The following THOC1 variants were observed in gnomAD, a reference collection of about 807,000 sequenced individuals.
THOC1 encodes THO complex 1.
Under a neutral mutation model 97.3 loss-of-function variants are expected in THOC1, and 29 were observed. That is an observed-to-expected ratio of 0.30 (90% CI 0.22 to 0.41). The LOEUF (loss-of-function observed/expected upper bound fraction) is 0.41, where lower values mean the gene tolerates loss of function less well. Ranked by LOEUF, THOC1 falls within the 10% of genes least tolerant of loss-of-function variation. The probability of loss-of-function intolerance (pLI) is 1.00; values close to 1 mark genes in which losing one functional copy is unlikely to be tolerated. For synonymous variants in THOC1, 255 were observed against 257.0 expected (o/e 0.99, Z 0.07); for missense variants, 529 against 761.9 (o/e 0.69, Z 3.60).
intron 11 of THOC1, among the ~76,000 whole-genome samples, chr18:233,479 G>A (rs182056810): frequency 2.7e-4 from 41 of 152,230 alleles, no homozygotes; most frequent in Admixed American, 8.5e-4. Flanking sequence ...CCAGTTACTC[G>A]GGAGGCTGAG....
chr18:252,147 T>C (rs1912298490), intron 9 of THOC1, among the ~76,000 whole-genome samples: 1 of 152,190 alleles, frequency 6.6e-6, no homozygotes, highest in African/African-American at 2.4e-5. Context: ...GAAACAGTTT[T>C]AAGAGCAAGG....
intron 9 of THOC1, among the ~76,000 whole-genome samples, chr18:249,733 G>A (rs1262006246): frequency 1.3e-5 from 2 of 151,064 alleles, no homozygotes; most frequent in East Asian, 1.9e-4. Flanking sequence ...AAAAGAAATA[G>A]CACTATATAA....
At chr18:222,771 T>C (rs1289138729) in intron 17 of THOC1, among the ~76,000 whole-genome samples, 1 of 152,230 alleles carries the variant, frequency 6.6e-6, no homozygotes, top group African/African-American at 2.4e-5. Flanking sequence ...TTTGCTCCTT[T>C]GTAGGTTGTC....
Position 254,496 on chromosome 18 carries a change from T to C in THOC1, c.521-141A>G. 1 of 612,746 alleles carries C rather than the reference T, an allele frequency of 1.6e-6. No individual in the cohort carries two copies. The allele number at this position is 612,746 out of a possible 1,614,324, so 38.0% of individuals were successfully genotyped here. ...TAACACATTTGATTTTCAAATCCTT[T>C]CAAAAATTCATTTCTTAAAAGTACC... is the stretch of plus-strand genomic sequence containing the variant. On this transcript the variant is annotated intron_variant, in intron 7 of 20. Transcript: ENST00000261600. This position sits in a 1 kb window ranked among gnomAD's most constrained non-coding sequence, Gnocchi z 4.1.
chr18:215,038 A>G (rs1161976318), intron 20 of THOC1, 117 bp from the exon 21 acceptor site: 1 of 914,664 alleles, frequency 1.1e-6, no homozygotes, highest in Non-Finnish European at 1.7e-6. Flanking sequence ...TTAAAAGTAA[A>G]CAATTATTTT....
chr18:265,545 AAATGGCAAAT>A lies in THOC1; in HGVS notation c.55-25_55-16del. 3.9e-6 allele frequency: 6 copies of A among 1,546,002 alleles called. No individual in the cohort carries two copies. The highest frequency in any genetic ancestry group is 5.2e-6 in the Non-Finnish European group (6 of 1,145,508). Reference sequence around the variant, plus strand: ...CTGGTAGACTTCTAAAAAAAAATTAAAATGGCAAATAATTGTAAAGATTTTGCTTATTATT... The same window carrying A: ...CTGGTAGACTTCTAAAAAAAAATTAAAATTGTAAAGATTTTGCTTATTATT... On this transcript the variant is annotated splice_polypyrimidine_tract_variant and intron_variant, in intron 1 of 20. Transcript: ENST00000261600.
At chr18:226,722 T>TAA in intron 12 of THOC1, 79 bp downstream of exon 12, 1 of 1,038,456 alleles carries the variant, frequency 9.6e-7, no homozygotes, top group African/African-American at 1.6e-5. Context: ...AATGGACACA[T>TAA]ACATAAGAAA....
At chr18:267,356 A>C (rs1487762427) in intron 1 of THOC1, among the ~76,000 whole-genome samples, 1 of 152,218 alleles carries the variant, frequency 6.6e-6, no homozygotes, top group Non-Finnish European at 1.5e-5. Flanking sequence ...TAATAGTTAA[A>C]TGAGAAAGTG....
At chr18:252,949 A>G (rs1567854852) in intron 8 of THOC1, among the ~76,000 whole-genome samples, 1 of 152,252 alleles carries the variant, frequency 6.6e-6, no homozygotes, top group Non-Finnish European at 1.5e-5. Flanking sequence ...TAAAATGAGC[A>G]AACAGCATGA....
intron 11 of THOC1, among the ~76,000 whole-genome samples, chr18:241,345 C>A (rs1401438557): frequency 2.6e-5 from 4 of 152,090 alleles, no homozygotes; most frequent in Non-Finnish European, 4.4e-5. Context: ...ACATTTAAGG[C>A]AGAATGACTA....
chr18:234,845 G>A (rs1336577713), intron 11 of THOC1, among the ~76,000 whole-genome samples: 1 of 152,054 alleles, frequency 6.6e-6, no homozygotes, highest in Non-Finnish European at 1.5e-5. Context: ...TATGTGAGAT[G>A]AATATACATA....
At chr18:225,571 A>C in intron 12 of THOC1, 168 bp from the exon 13 acceptor site, 1 of 605,318 alleles carries the variant, frequency 1.7e-6, no homozygotes, top group East Asian at 2.8e-5. Context: ...AAATTCTTGC[A>C]CTTCTTCCTC....
intron 19 of THOC1, among the ~76,000 whole-genome samples, chr18:216,055 G>A (rs1910874861): frequency 3.9e-5 from 6 of 152,126 alleles, no homozygotes; most frequent in Admixed American, 3.9e-4. Context: ...CCAGGTTCAA[G>A]CAATTCCCTT....
rs1277329442 is a variant in THOC1, at chr18:225,398, T to C, written c.1025A>G (p.Asn342Ser). ...TGATTGCTCATCAGTTAAAACATAG[T>C]TTGAACTAGGGAACAAAGCAATGAA... ...LKGQVKFKSS[N>S]YVLTDEQSLW... is the part of the protein sequence containing the mutation. Residue 342 changes from asparagine (N) to serine (S), a missense_variant, in exon 13 of 21, where the codon AAC becomes AGC. Physicochemically the swap from Asn to Ser is conservative, Grantham distance 46. Coordinates refer to ENST00000261600, the MANE Select transcript of THOC1 (RefSeq NM_005131.3). The C allele has an allele frequency of 1.2e-6, 2 of 1,612,808 alleles. No homozygotes were observed. The highest frequency in any genetic ancestry group is 3.3e-4 in the Middle Eastern group (2 of 6,020).
chr18:249,404 C>T (rs537696249), intron 9 of THOC1, among the ~76,000 whole-genome samples: 22 of 152,272 alleles, frequency 1.4e-4, no homozygotes, highest in Non-Finnish European at 2.9e-4. Context: ...CGGTGGCTCA[C>T]ACCTGTAATC....
chr18:246,221 T>C (rs932277069), intron 11 of THOC1, 103 bp downstream of exon 11: 1 of 953,610 alleles, frequency 1.0e-6, no homozygotes, highest in Middle Eastern at 3.4e-4. Flanking sequence ...CAAAGTAAAA[T>C]AAGAAACATT....
chr18:238,808 A>G (rs1414838266), intron 11 of THOC1, among the ~76,000 whole-genome samples: 2 of 152,212 alleles, frequency 1.3e-5, no homozygotes, highest in African/African-American at 4.8e-5. Context: ...TCAAAAATTT[A>G]AATTTCATTT....
intron 17 of THOC1, among the ~76,000 whole-genome samples, chr18:221,675 C>G (rs1598287829): frequency 1.5e-5 from 2 of 136,378 alleles, no homozygotes; most frequent in East Asian, 4.4e-4. Context: ...GTGGTGCGAT[C>G]TCGACTCACT....
intron 13 of THOC1, 87 bp downstream of exon 13, chr18:225,250 A>G: frequency 6.4e-7 from 1 of 1,553,344 alleles, no homozygotes; most frequent in Non-Finnish European, 8.8e-7. Context: ...GCTTAACTTT[A>G]TCCTTATTTT....
Sources: allele counts gnomAD v4.1 joint callset (sites outside exome capture counted in the v4.1 genomes callset), GRCh38; gene constraint gnomAD v4.1.1; non-coding constraint Gnocchi (gnomAD v3.1); transcripts MANE v1.5; gene names NCBI Gene and HGNC (gene_info 2026-07-23, HGNC 2026-07-21).